PDGFC: variants seen among roughly 807,000 people sequenced by gnomAD.
The protein encoded by PDGFC is platelet-derived growth factor C.
PDGFC carries 12 observed loss-of-function variants against 35.5 expected under a neutral mutation model. The observed-to-expected ratio is 0.34, with a 90% confidence interval of 0.22 to 0.55. The LOEUF (loss-of-function observed/expected upper bound fraction) is 0.55. PDGFC is among the 20% of genes least tolerant of loss of function. The pLI, the probability that PDGFC is intolerant of heterozygous loss-of-function variation, is 0.91. For missense variants in PDGFC, 322 were observed against 412.4 expected (o/e 0.78, Z 1.90); for synonymous variants, 159 against 148.8 (o/e 1.07, Z -0.50).
intron 2 of PDGFC, among the ~76,000 whole-genome samples, chr4:156,839,626 T>A (rs1479501744): frequency 6.6e-6 from 1 of 152,064 alleles, no homozygotes; most frequent in Non-Finnish European, 1.5e-5. Flanking sequence ...CGGAACTGGG[T>A]AACAGGCAGA....
At chr4:156,970,519 T>C (rs1186957681) in intron 1 of PDGFC, among the ~76,000 whole-genome samples, 2 of 152,168 alleles carry the variant, frequency 1.3e-5, no homozygotes, top group Admixed American at 6.5e-5. Flanking sequence ...CAATGTGCAT[T>C]TGAAATGACG....
intron 2 of PDGFC, among the ~76,000 whole-genome samples, chr4:156,832,458 T>C (rs1728967468): frequency 6.6e-6 from 1 of 152,044 alleles, no homozygotes; most frequent in South Asian, 2.1e-4. Flanking sequence ...GGTTTCGCCA[T>C]GTTGGCCAGG....
chr4:156,893,690 T>C (rs1730567326), intron 1 of PDGFC, among the ~76,000 whole-genome samples: 1 of 151,948 alleles, frequency 6.6e-6, no homozygotes, highest in Admixed American at 6.6e-5. Flanking sequence ...AAAATCTTGC[T>C]TATGCAAGGA....
chr4:156,875,328 C>T (rs1009451704), intron 1 of PDGFC, among the ~76,000 whole-genome samples: 8 of 152,080 alleles, frequency 5.3e-5, no homozygotes, highest in Non-Finnish European at 1.0e-4. Flanking sequence ...AAAAGACACC[C>T]TGACTTCATT....
chr4:156,852,581 T>G (rs528767592), intron 1 of PDGFC, among the ~76,000 whole-genome samples: 9 of 152,234 alleles, frequency 5.9e-5, no homozygotes, highest in African/African-American at 1.9e-4. Flanking sequence ...TCTAAAATGA[T>G]CTCCAATTGT....
chr4:156,807,602 C>T (rs1419692121), intron 3 of PDGFC, among the ~76,000 whole-genome samples: 1 of 151,900 alleles, frequency 6.6e-6, no homozygotes, highest in Non-Finnish European at 1.5e-5. Flanking sequence ...TTAATGGCAA[C>T]TTGTGTGGCA....
intron 2 of PDGFC, among the ~76,000 whole-genome samples, chr4:156,818,485 C>A (rs1165887865): frequency 6.6e-6 from 1 of 150,854 alleles, no homozygotes; most frequent in Admixed American, 6.6e-5. Flanking sequence ...GTGCAACATG[C>A]CTTCCTCACT....
intron 1 of PDGFC, among the ~76,000 whole-genome samples, chr4:156,924,702 C>T (rs1283887351): frequency 6.6e-6 from 1 of 152,176 alleles, no homozygotes. Context: ...CCATTGTGAG[C>T]AACTTCAGTA....
chr4:156,793,573 A>T (rs1372895467), intron 3 of PDGFC, among the ~76,000 whole-genome samples: 2 of 147,548 alleles, frequency 1.4e-5, no homozygotes, highest in African/African-American at 2.5e-5. Context: ...AAAACACTTT[A>T]AAATGTTATA....
At chr4:156,812,554 A>T (rs1731966751) in intron 2 of PDGFC, among the ~76,000 whole-genome samples, 1 of 152,124 alleles carries the variant, frequency 6.6e-6, no homozygotes. Flanking sequence ...TAAATTCAGT[A>T]GATACCAGAC....
chr4:156,970,322 T>C (rs1732560855), intron 1 of PDGFC, among the ~76,000 whole-genome samples: 1 of 152,196 alleles, frequency 6.6e-6, no homozygotes, highest in Admixed American at 6.5e-5. Context: ...ATATTTCCTA[T>C]CTACTCATTG....
At chr4:156,898,343 C>A (rs1020386403) in intron 1 of PDGFC, among the ~76,000 whole-genome samples, 3 of 152,036 alleles carry the variant, frequency 2.0e-5, no homozygotes, top group East Asian at 1.9e-4. Flanking sequence ...TGTTATAGCA[C>A]CTCGAACAGA....
chr4:156,877,161 TG>T (rs1232188256), intron 1 of PDGFC, among the ~76,000 whole-genome samples: 1 of 152,108 alleles, frequency 6.6e-6, no homozygotes, highest in Non-Finnish European at 1.5e-5. Flanking sequence ...TGAGATATGT[TG>T]ATACAGGCAT....
chr4:156,906,386 G>C (rs58599742), intron 1 of PDGFC, among the ~76,000 whole-genome samples: 1 of 151,982 alleles, frequency 6.6e-6, no homozygotes, highest in Non-Finnish European at 1.5e-5. Context: ...GTGAGGAGTG[G>C]TTTGGCTTAT....
intron 1 of PDGFC, among the ~76,000 whole-genome samples, chr4:156,857,844 A>C (rs890388031): frequency 6.6e-6 from 1 of 152,078 alleles, no homozygotes. Flanking sequence ...AGCCATCATA[A>C]TGGATTCTAG....
At chr4:156,868,593 A>C (rs553541998) in intron 1 of PDGFC, among the ~76,000 whole-genome samples, 1 of 152,334 alleles carries the variant, frequency 6.6e-6, no homozygotes, top group East Asian at 1.9e-4. Context: ...GTATCACTTA[A>C]AACAGCAAGC....
At chr4:156,894,720 G>T (rs1730589617) in intron 1 of PDGFC, among the ~76,000 whole-genome samples, 2 of 152,060 alleles carry the variant, frequency 1.3e-5, no homozygotes, top group South Asian at 4.1e-4. Flanking sequence ...GAAATTGAAA[G>T]AACTCTATAG....
At chr4:156,909,595 T>C (rs1339088358) in intron 1 of PDGFC, among the ~76,000 whole-genome samples, 5 of 152,148 alleles carry the variant, frequency 3.3e-5, no homozygotes, top group Non-Finnish European at 7.4e-5. Context: ...ACATTAGATA[T>C]AATATGATCT....
chr4:156,860,682 G>A (rs759914931), intron 1 of PDGFC, among the ~76,000 whole-genome samples: 4 of 151,196 alleles, frequency 2.6e-5, no homozygotes, highest in Non-Finnish European at 4.4e-5. Context: ...GTGTAGATAT[G>A]GCTTTTTAAA....
Sources: gnomAD v4.1 joint callset for allele counts (sites outside exome capture counted in the v4.1 genomes callset) on GRCh38, gnomAD v4.1.1 for gene constraint, MANE v1.5 for transcripts, NCBI Gene and HGNC (gene_info 2026-07-23, HGNC 2026-07-21) for gene names.